TRMT11: variants seen among roughly 807,000 people sequenced by gnomAD.
TRMT11 encodes tRNA (guanine(10)-N(2))-methyltransferase TRMT11.
In TRMT11, 53 loss-of-function variants were observed where a neutral mutation model predicts 62.8. The observed-to-expected ratio is 0.84, with a 90% confidence interval of 0.68 to 1.06. TRMT11 has a LOEUF of 1.06. Ranked by LOEUF, TRMT11 falls within the 50% of genes least tolerant of loss-of-function variation. TRMT11 has a pLI of 0.00. For missense variants in TRMT11, 556 were observed against 553.4 expected, an observed-to-expected ratio of 1.00 and a Z score of -0.05; for synonymous variants, 188 against 190.3, an observed-to-expected ratio of 0.99 and a Z score of 0.10.
At chr6:126,071,655 CTT>C (rs373236248) in intron 17 of TRMT11, among the ~76,000 whole-genome samples, 13 of 133,118 alleles carry the variant, frequency 9.8e-5, no homozygotes, top group African/African-American at 5.5e-5. Flanking sequence ...GTTTGCTTTG[CTT>C]TTTTTTTTTT....
chr6:126,193,465 G>C (rs536354266), intron 1 of TRMT11, among the ~76,000 whole-genome samples: 2 of 145,994 alleles, frequency 1.4e-5, no homozygotes, highest in African/African-American at 5.1e-5. Context: ...TGCATTGTTA[G>C]GTTATTTAAG....
the TRMT11 span, among the ~76,000 whole-genome samples, chr6:126,247,799 TAAGA>T: frequency 1.6e-4 from 25 of 151,792 alleles, no homozygotes; most frequent in South Asian, 5.2e-3. Context: ...AAAAGGAGTT[TAAGA>T]AAGAGAGAAG....
the TRMT11 span, among the ~76,000 whole-genome samples, chr6:126,256,648 A>G: frequency 3.5e-4 from 53 of 152,314 alleles, no homozygotes; most frequent in African/African-American, 1.3e-3. Flanking sequence ...TTTCCATTCA[A>G]AAAAGGGGAA....
At chr6:126,210,262 C>A in the TRMT11 span, among the ~76,000 whole-genome samples, 1 of 152,130 alleles carries the variant, frequency 6.6e-6, no homozygotes, top group Non-Finnish European at 1.5e-5. Flanking sequence ...TGTTGTTGAC[C>A]TTGTAGAAGT....
chr6:126,260,261 GC>G, the TRMT11 span, among the ~76,000 whole-genome samples: 1 of 151,954 alleles, frequency 6.6e-6, no homozygotes. Context: ...AAAGAGTCTT[GC>G]CAAAATAGAC....
chr6:126,141,436 T>A (rs1777915285), intron 21 of TRMT11, among the ~76,000 whole-genome samples: 1 of 152,136 alleles, frequency 6.6e-6, no homozygotes, highest in African/African-American at 2.4e-5. Context: ...ACTGTAATTG[T>A]AGGAAAGTAG....
At chr6:126,007,534 A>C (rs1793541096) in intron 7 of TRMT11, among the ~76,000 whole-genome samples, 1 of 152,070 alleles carries the variant, frequency 6.6e-6, no homozygotes, top group Non-Finnish European at 1.5e-5. Context: ...AATGATTAAA[A>C]AAAGTGAATT....
chr6:126,149,314 T>C (rs986582440), intron 21 of TRMT11, among the ~76,000 whole-genome samples: 10 of 152,238 alleles, frequency 6.6e-5, no homozygotes, highest in African/African-American at 2.2e-4. Context: ...AGTGTCTTAC[T>C]GTACAGAATT....
At chr6:126,049,204 T>G (rs1310176565) in intron 16 of TRMT11, among the ~76,000 whole-genome samples, 1 of 151,862 alleles carries the variant, frequency 6.6e-6, no homozygotes, top group South Asian at 2.1e-4. Flanking sequence ...AACAGGGCAG[T>G]CTTCTGTTCT....
At chr6:126,137,902 TA>T (rs1316999579) in intron 21 of TRMT11, among the ~76,000 whole-genome samples, 1 of 151,700 alleles carries the variant, frequency 6.6e-6, no homozygotes, top group East Asian at 1.9e-4. Flanking sequence ...GAATCATAGG[TA>T]GGGGCAAATA....
intron 17 of TRMT11, among the ~76,000 whole-genome samples, chr6:126,082,436 CCATT>C (rs1356920870): frequency 6.6e-6 from 1 of 152,006 alleles, no homozygotes; most frequent in Non-Finnish European, 1.5e-5. Context: ...TAGCAATGGA[CCATT>C]CACTTTGTGT....
At chr6:126,174,745 C>A (rs567222955), upstream of TRMT11, among the ~76,000 whole-genome samples, 3 of 152,294 alleles carry the variant, frequency 2.0e-5, no homozygotes, top group Admixed American at 6.5e-5. Flanking sequence ...CCCTGAATGT[C>A]CTTGCCTGTT....
intron 17 of TRMT11, among the ~76,000 whole-genome samples, chr6:126,073,729 AT>A (rs1196267838): frequency 6.6e-6 from 1 of 151,966 alleles, no homozygotes; most frequent in Non-Finnish European, 1.5e-5. Context: ...ATGTTATATT[AT>A]TTTTCAGTGT....
At chr6:126,261,926 A>G in the TRMT11 span, among the ~76,000 whole-genome samples, 1 of 152,004 alleles carries the variant, frequency 6.6e-6, no homozygotes, top group Non-Finnish European at 1.5e-5. Context: ...CAAGGCTGGG[A>G]GGTCCTACGG....
intron 17 of TRMT11, among the ~76,000 whole-genome samples, chr6:126,061,968 C>T (rs1776547632): frequency 6.6e-6 from 1 of 152,210 alleles, no homozygotes; most frequent in African/African-American, 2.4e-5. Context: ...CTGCAACCTC[C>T]ACTTCCTTGG....
the TRMT11 span, among the ~76,000 whole-genome samples, chr6:126,236,150 C>T: frequency 1.7e-4 from 26 of 152,236 alleles, no homozygotes; most frequent in African/African-American, 6.3e-4. Flanking sequence ...TTGCATTAGC[C>T]CATAAGTATT....
intron 12 of TRMT11, among the ~76,000 whole-genome samples, chr6:126,023,076 A>G (rs1355046775): frequency 2.6e-5 from 4 of 152,138 alleles, no homozygotes. Flanking sequence ...ATTTTACTGG[A>G]CTTTGCTGCT....
chr6:126,232,315 T>A, the TRMT11 span, among the ~76,000 whole-genome samples: 1 of 152,148 alleles, frequency 6.6e-6, no homozygotes, highest in African/African-American at 2.4e-5. Flanking sequence ...CTCTTACATT[T>A]TCTTTACTGA....
intron 21 of TRMT11, among the ~76,000 whole-genome samples, chr6:126,151,874 C>CTTTCTTTCTTTCTT (rs1459413861): frequency 1.3e-5 from 1 of 79,652 alleles, no homozygotes; most frequent in African/African-American, 5.8e-5. Context: ...TTCCTTCTTT[C>CTTTCTTTCTTTCTT]TCCTTCCTTC....
Sources: gnomAD v4.1 joint callset for allele counts (sites outside exome capture counted in the v4.1 genomes callset) on GRCh38, gnomAD v4.1.1 for gene constraint, MANE v1.5 for transcripts, NCBI Gene and HGNC (gene_info 2026-07-23, HGNC 2026-07-21) for gene names.